FOXN2: variants seen among roughly 807,000 people sequenced by gnomAD.
The protein encoded by FOXN2 is forkhead box N2.
FOXN2 carries 19 observed loss-of-function variants against 41.2 expected under a neutral mutation model. That is an observed-to-expected ratio of 0.46 (90% CI 0.32 to 0.68). FOXN2 has a LOEUF of 0.68. Ranked by LOEUF, FOXN2 falls within the 30% of genes least tolerant of loss-of-function variation. The pLI is 0.03. For missense variants in FOXN2, 587 were observed against 509.4 expected, an observed-to-expected ratio of 1.15 and a Z score of -1.47; for synonymous variants, 195 against 176.8, an observed-to-expected ratio of 1.10 and a Z score of -0.82.
chr2:48,373,273 T>C lies in FOXN2; in HGVS notation c.704-19T>C, dbSNP rs1413388273. The C allele has an allele frequency of 5.2e-6, 8 of 1,545,358 alleles. No homozygotes were observed. The Admixed American group carries it at 1.4e-4, about 27-fold the overall frequency. ...TCCTTTATAAAGAACATTAATATTA[T>C]TACTTTTTCCCTTTTCAGAATCTGA... On this transcript the variant is annotated intron_variant, in intron 5 of 6. Transcript: ENST00000340553.
At chr2:48,343,273 A>T (rs1391518462) in intron 2 of FOXN2, among the ~76,000 whole-genome samples, 1 of 152,098 alleles carries the variant, frequency 6.6e-6, no homozygotes, top group Non-Finnish European at 1.5e-5. Flanking sequence ...TATTGTTACC[A>T]TTTAGGATGT....
intron 3 of FOXN2, among the ~76,000 whole-genome samples, chr2:48,352,349 G>C (rs1344813164): frequency 6.6e-6 from 1 of 152,114 alleles, no homozygotes; most frequent in African/African-American, 2.4e-5. Context: ...TGCATTATAT[G>C]ACATGATTAG....
At position 48,375,511 on chromosome 2, in the gene FOXN2, C is replaced by G; in HGVS notation, c.*68C>G. 3 of 1,408,044 alleles carry G rather than the reference C, an allele frequency of 2.1e-6. No individual in the cohort carries two copies. Among genetic ancestry groups the G allele is most frequent in the Non-Finnish European group, 2.8e-6 (3 of 1,053,540 alleles). 87.2% of individuals were successfully genotyped at this position (1,408,044 alleles called of 1,614,324 possible). A position where few individuals can be genotyped will look rare whatever the true frequency, so the allele number is the denominator to read the frequency against. The stretch of plus-strand genomic sequence containing the variant: ...CAAGGGATATCAAAGCCATAATGGA[C>G]TTCATTAGTTTTAGGGTAGGGAAGG... On this transcript the variant is annotated 3_prime_UTR_variant, in exon 7 of 7. Transcript: ENST00000340553.
At chr2:48,330,336 T>C (rs940454559) in intron 2 of FOXN2, among the ~76,000 whole-genome samples, 1 of 152,158 alleles carries the variant, frequency 6.6e-6, no homozygotes, top group Non-Finnish European at 1.5e-5. Flanking sequence ...ATGTATTAAA[T>C]CTTAGTGGCA....
chr2:48,360,928 C>T (rs1317580731), intron 4 of FOXN2, among the ~76,000 whole-genome samples: 4 of 149,248 alleles, frequency 2.7e-5, no homozygotes, highest in African/African-American at 9.9e-5. Context: ...GTGGGAGGAT[C>T]GTTTGAGCCT....
At chr2:48,331,231 G>C (rs1408427241) in intron 2 of FOXN2, among the ~76,000 whole-genome samples, 1 of 152,104 alleles carries the variant, frequency 6.6e-6, no homozygotes, top group African/African-American at 2.4e-5. Context: ...TCTTTTCTCA[G>C]TGCTATATTT....
At chr2:48,315,769 G>A (rs1294030809) in intron 1 of FOXN2, among the ~76,000 whole-genome samples, 1 of 152,152 alleles carries the variant, frequency 6.6e-6, no homozygotes, top group Non-Finnish European at 1.5e-5. Context: ...CATCTCTCGG[G>A]AGTTGGGGTG....
At chr2:48,344,432 AT>A (rs1670965957) in intron 2 of FOXN2, among the ~76,000 whole-genome samples, 1 of 152,172 alleles carries the variant, frequency 6.6e-6, no homozygotes, top group Non-Finnish European at 1.5e-5. Context: ...GCCAGCACAT[AT>A]TGTGGTTAGA....
chr2:48,332,290 T>G (rs1365525381), intron 2 of FOXN2, among the ~76,000 whole-genome samples: 1 of 152,204 alleles, frequency 6.6e-6, no homozygotes, highest in African/African-American at 2.4e-5. Context: ...ACAAAGCTGT[T>G]AATAATTTAG....
intron 2 of FOXN2, among the ~76,000 whole-genome samples, chr2:48,343,302 C>T (rs1452095383): frequency 6.6e-6 from 1 of 152,120 alleles, no homozygotes; most frequent in Non-Finnish European, 1.5e-5. Flanking sequence ...ATTAAGGATT[C>T]ATTTCCAAAA....
intron 3 of FOXN2, among the ~76,000 whole-genome samples, chr2:48,352,619 A>G (rs147952308): frequency 2.6e-5 from 4 of 152,326 alleles, no homozygotes; most frequent in African/African-American, 9.6e-5. Flanking sequence ...ATCTGGAGGT[A>G]TCTCAAATTC....
At chr2:48,359,565 A>G (rs1217126327) in intron 4 of FOXN2, among the ~76,000 whole-genome samples, 1 of 151,722 alleles carries the variant, frequency 6.6e-6, no homozygotes, top group Non-Finnish European at 1.5e-5. Context: ...AAGTGCTGGG[A>G]TTACAGGCGT....
rs1312491760 is a variant in FOXN2, at chr2:48,336,437, G to GTATA, written c.-15+7736_-15+7737insATAT. Among the ~76,000 whole-genome samples, 701 of 143,514 alleles carry GTATA rather than the reference G, an allele frequency of 4.9e-3. 4 individuals carry two copies. The highest frequency in any genetic ancestry group is 0.017 in the African/African-American group (657 of 38,690). The allele number at this position is 143,514 out of a possible 152,430, so 94.2% of individuals were successfully genotyped here. On this transcript the variant is annotated intron_variant, in intron 2 of 6. Transcript: ENST00000340553. ...AAAAAAAATATATATATATGTATAT[G>GTATA]TGTGTGTGTGTGTGTGTGTGTATAT...
At chr2:48,328,199 C>T (rs1669807090) in intron 1 of FOXN2, among the ~76,000 whole-genome samples, 1 of 152,138 alleles carries the variant, frequency 6.6e-6, no homozygotes, top group Non-Finnish European at 1.5e-5. Context: ...AGGACTTTCG[C>T]TCTGTTGACT....
chr2:48,377,327 A>G lies in FOXN2; in HGVS notation c.*1884A>G, dbSNP rs1673315871. On this transcript the variant is annotated 3_prime_UTR_variant, in exon 7 of 7. Coordinates refer to ENST00000340553, the MANE Select transcript of FOXN2 (RefSeq NM_002158.4). ...AACCCAAAAATGCTTTAACCACAGT[A>G]TAAATAATAGATTATACACATCATC... The G allele has an allele frequency of 6.6e-6, 1 of 152,054 alleles. No individual in the cohort carries two copies. The highest frequency in any genetic ancestry group is 6.5e-5 in the Admixed American group (1 of 15,268). The allele number at this position is 152,054 out of a possible 1,614,324, so 9.4% of individuals were successfully genotyped here.
At chr2:48,373,826 A>G (rs1673062338) in intron 6 of FOXN2, among the ~76,000 whole-genome samples, 1 of 152,098 alleles carries the variant, frequency 6.6e-6, no homozygotes, top group Non-Finnish European at 1.5e-5. Context: ...AGAACAAGGC[A>G]GGTGGATCAC....
rs78185897 is a variant in FOXN2 at position 48,373,453 on chromosome 2, C to A, written c.772+93C>A. ...TAACTATTACAGACAAAAATTACTT[C>A]TTTCCAACCAAATTGTATTTTGATC... On this transcript the variant is annotated intron_variant, in intron 6 of 6. Transcript: ENST00000340553. 7.4e-3 allele frequency: 5,245 copies of A among 713,162 alleles called. 22 individuals carry two copies. Among genetic ancestry groups the A allele is most frequent in the Non-Finnish European group, 0.01 (4,323 of 416,526 alleles). 44.2% of individuals were successfully genotyped at this position (713,162 alleles called of 1,614,324 possible).
At chr2:48,323,080 T>C (rs913680846) in intron 1 of FOXN2, among the ~76,000 whole-genome samples, 4 of 152,204 alleles carry the variant, frequency 2.6e-5, no homozygotes, top group Non-Finnish European at 1.5e-5. Flanking sequence ...GAGCTTACTT[T>C]CCCCAAAGTG....
intron 6 of FOXN2, among the ~76,000 whole-genome samples, chr2:48,374,571 G>T (rs146369099): frequency 7.2e-5 from 11 of 152,118 alleles, no homozygotes; most frequent in Admixed American, 7.2e-4. Flanking sequence ...GCATCCAGAA[G>T]GATTTGTATT....
Sources: allele counts gnomAD v4.1 joint callset (sites outside exome capture counted in the v4.1 genomes callset), GRCh38; gene constraint gnomAD v4.1.1; transcripts MANE v1.5; gene names NCBI Gene and HGNC (gene_info 2026-07-23, HGNC 2026-07-21).